Variants in CNTNAP2 observed in about 807,000 individuals in gnomAD.
CNTNAP2 encodes the protein contactin-associated protein-like 2.
Under a neutral mutation model 155.2 loss-of-function variants are expected in CNTNAP2, and 98 were observed. The ratio of observed to expected loss-of-function variants is 0.63; its 90% CI spans 0.54 to 0.75. CNTNAP2 has a LOEUF of 0.75. Ranked by LOEUF, CNTNAP2 falls within the 30% of genes least tolerant of loss-of-function variation. The probability of loss-of-function intolerance (pLI) is 0.00; values close to 1 mark genes in which losing one functional copy is unlikely to be tolerated. For synonymous variants in CNTNAP2, 651 were observed against 631.2 expected, an observed-to-expected ratio of 1.03 and a Z score of -0.47; for missense variants, 1,727 against 1,688.1, an observed-to-expected ratio of 1.02 and a Z score of -0.40.
intron 2 of CNTNAP2, among the ~76,000 whole-genome samples, chr7:146,830,116 A>G (rs1224919711): frequency 1.3e-5 from 2 of 152,010 alleles, no homozygotes; most frequent in Non-Finnish European, 2.9e-5. Context: ...ATCGATGTCT[A>G]ATTTTACTAT....
chr7:148,297,133 G>A (rs1300992581), intron 21 of CNTNAP2, among the ~76,000 whole-genome samples: 1 of 145,622 alleles, frequency 6.9e-6, no homozygotes, highest in Non-Finnish European at 1.5e-5. Flanking sequence ...CTTATTCCTA[G>A]GGGAAGAAAA....
chr7:146,833,825 G>GC (rs1803561481), intron 2 of CNTNAP2, among the ~76,000 whole-genome samples: 1 of 152,152 alleles, frequency 6.6e-6, no homozygotes, highest in Admixed American at 6.5e-5. Context: ...CTCGGCTTCA[G>GC]CCCCACTCAT....
At chr7:147,401,169 C>T (rs987564549) in intron 10 of CNTNAP2, among the ~76,000 whole-genome samples, 16 of 152,242 alleles carry the variant, frequency 1.1e-4, no homozygotes, top group African/African-American at 3.8e-4. Flanking sequence ...ATCTCCTCTG[C>T]TCTTTCCTGT....
chr7:147,018,251 T>C lies in CNTNAP2; in HGVS notation c.403-25656T>C, dbSNP rs142186021. Among the ~76,000 whole-genome samples the C allele has an allele frequency of 1.4e-4, 21 of 152,180 alleles. No individual in the cohort carries two copies. The East Asian group carries it at 3.9e-3, about 28-fold the overall frequency. On this transcript the variant is annotated intron_variant, in intron 3 of 23. Coordinates refer to ENST00000361727, the MANE Select transcript of CNTNAP2 (RefSeq NM_014141.6). ...TTATACTGGTTAGGTACAGAATTTT[T>C]CAGTCTGATAGAGAGCTGCAAGACA...
chr7:147,907,717 C>T (rs945447304), intron 14 of CNTNAP2, among the ~76,000 whole-genome samples: 6 of 151,886 alleles, frequency 4.0e-5, no homozygotes, highest in African/African-American at 1.5e-4. Context: ...AATATAAAAG[C>T]CTTCTATAAA....
At chr7:148,317,355 CAA>C (rs113690836) in intron 21 of CNTNAP2, among the ~76,000 whole-genome samples, 2 of 146,704 alleles carry the variant, frequency 1.4e-5, no homozygotes, top group Admixed American at 6.7e-5. Context: ...AACTCCATCT[CAA>C]AAAAAAAAAA....
chr7:148,147,104 T>C (rs925343589), intron 16 of CNTNAP2, among the ~76,000 whole-genome samples: 1 of 152,136 alleles, frequency 6.6e-6, no homozygotes, highest in African/African-American at 2.4e-5. Context: ...TTAGAAGATA[T>C]CAGGCTCTGA....
At chr7:148,206,069 C>T (rs564143811) in intron 18 of CNTNAP2, among the ~76,000 whole-genome samples, 156 of 151,146 alleles carry the variant, frequency 1.0e-3, no homozygotes, top group Non-Finnish European at 1.8e-3. Flanking sequence ...AAGTAGTTTC[C>T]CAAAATTACT....
At chr7:147,133,998 A>G (rs1358422783) in intron 8 of CNTNAP2, among the ~76,000 whole-genome samples, 1 of 152,088 alleles carries the variant, frequency 6.6e-6, no homozygotes, top group African/African-American at 2.4e-5. Flanking sequence ...AAAAACAGAT[A>G]AAACAAAAAC....
intron 21 of CNTNAP2, among the ~76,000 whole-genome samples, chr7:148,331,554 AATGGACGGATG>A (rs1798013192): frequency 6.8e-6 from 1 of 147,994 alleles, no homozygotes; most frequent in Non-Finnish European, 1.5e-5. Context: ...GGATGGATGG[AATGGACGGATG>A]GAGTGGATGG....
chr7:147,594,454 A>C (rs1334540755), intron 12 of CNTNAP2, among the ~76,000 whole-genome samples: 5 of 152,182 alleles, frequency 3.3e-5, no homozygotes, highest in Non-Finnish European at 7.3e-5. Context: ...TTTATTTATC[A>C]AAAAGGTAGC....
At chr7:146,134,111 C>T (rs1162227473) in intron 1 of CNTNAP2, among the ~76,000 whole-genome samples, 1 of 150,406 alleles carries the variant, frequency 6.6e-6, no homozygotes, top group African/African-American at 2.4e-5. Context: ...TTGTAGTTCT[C>T]CTTGAAGAGG....
chr7:146,275,370 C>A (rs1393638561), intron 1 of CNTNAP2, among the ~76,000 whole-genome samples: 1 of 151,992 alleles, frequency 6.6e-6, no homozygotes, highest in Non-Finnish European at 1.5e-5. Context: ...TCTTCTGACT[C>A]CGAATAAGTT....
chr7:148,003,948 C>A (rs1403684952), intron 15 of CNTNAP2, among the ~76,000 whole-genome samples: 9 of 152,058 alleles, frequency 5.9e-5, no homozygotes, highest in African/African-American at 2.2e-4. Flanking sequence ...ATGAAGATAA[C>A]AAAAATATCT....
At chr7:147,556,841 A>C (rs1799960694) in intron 11 of CNTNAP2, among the ~76,000 whole-genome samples, 1 of 152,206 alleles carries the variant, frequency 6.6e-6, no homozygotes, top group African/African-American at 2.4e-5. Flanking sequence ...TAAGTCACTA[A>C]GTGTCTGTCA....
At chr7:148,182,178 A>G (rs1210301928) in intron 18 of CNTNAP2, among the ~76,000 whole-genome samples, 1 of 151,954 alleles carries the variant, frequency 6.6e-6, no homozygotes, top group African/African-American at 2.4e-5. Context: ...AATGATCAGA[A>G]CTCTAAATAA....
At chr7:147,486,725 A>T (rs985634605) in intron 11 of CNTNAP2, among the ~76,000 whole-genome samples, 2 of 152,222 alleles carry the variant, frequency 1.3e-5, no homozygotes, top group African/African-American at 4.8e-5. Context: ...GTACTTAAAA[A>T]ATTTAATGCT....
intron 13 of CNTNAP2, among the ~76,000 whole-genome samples, chr7:147,688,774 C>T (rs1251589348): frequency 6.6e-6 from 1 of 152,122 alleles, no homozygotes; most frequent in Non-Finnish European, 1.5e-5. Flanking sequence ...TGGAGGTCCA[C>T]CTTACAAGAA....
chr7:147,749,857 A>G (rs772322150), intron 13 of CNTNAP2, among the ~76,000 whole-genome samples: 5 of 152,232 alleles, frequency 3.3e-5, no homozygotes, highest in Non-Finnish European at 7.3e-5. Flanking sequence ...TCATCTGGCA[A>G]TTGAAGAGAT....
Sources: gnomAD v4.1 joint callset for allele counts (sites outside exome capture counted in the v4.1 genomes callset) on GRCh38, gnomAD v4.1.1 for gene constraint, MANE v1.5 for transcripts, NCBI Gene and HGNC (gene_info 2026-07-23, HGNC 2026-07-21) for gene names.